Variants in AGBL1 observed in about 807,000 individuals in gnomAD.
AGBL1 encodes cytosolic carboxypeptidase 4.
Under a neutral mutation model 118.9 loss-of-function variants are expected in AGBL1, and 130 were observed. That is an observed-to-expected ratio of 1.09 (90% confidence interval 0.95 to 1.26). The LOEUF (loss-of-function observed/expected upper bound fraction) is 1.26, where lower values mean the gene tolerates loss of function less well. Ranked by LOEUF, AGBL1 falls within the 50% of genes most tolerant of loss-of-function variation. The probability of loss-of-function intolerance (pLI) is 0.00; values close to 1 mark genes in which losing one functional copy is unlikely to be tolerated. For missense variants in AGBL1, 1,584 were observed against 1,298.1 expected (o/e 1.22, Z -3.38); for synonymous variants, 555 against 478.9 (o/e 1.16, Z -2.08).
intron 22 of AGBL1, among the ~76,000 whole-genome samples, chr15:86,899,471 C>T (rs190639399): frequency 1.6e-3 from 241 of 152,152 alleles, no homozygotes; most frequent in African/African-American, 5.7e-3. Context: ...ATTTGTACAA[C>T]GAACCCCCAT....
chr15:86,888,248 G>T (rs559910619), intron 22 of AGBL1, among the ~76,000 whole-genome samples: 2 of 152,102 alleles, frequency 1.3e-5, no homozygotes, highest in Admixed American at 1.3e-4. Flanking sequence ...TGATGGGTCT[G>T]ATTGTATCAG....
chr15:86,917,846 C>A (rs993643000), downstream of AGBL1, among the ~76,000 whole-genome samples: 1 of 148,400 alleles, frequency 6.7e-6, no homozygotes, highest in Non-Finnish European at 1.5e-5. This position sits in a 1 kb window ranked among gnomAD's most constrained non-coding sequence, Gnocchi z 4.8. Flanking sequence ...CAAAGAGGGC[C>A]TCAGAGAAGT....
At chr15:86,689,783 T>TA (rs1488165835) in intron 22 of AGBL1, among the ~76,000 whole-genome samples, 5 of 152,078 alleles carry the variant, frequency 3.3e-5, no homozygotes, top group Admixed American at 1.3e-4. Context: ...AATTGATATT[T>TA]AAAAAAATCT....
At position 86,912,271 on chromosome 15, in the gene AGBL1, G is replaced by C. The variant is rs979471500; in HGVS notation, c.*4977G>C. 6.6e-6 allele frequency: 1 copy of C among 152,188 alleles called. No individual in the cohort carries two copies. The highest frequency in any genetic ancestry group is 2.1e-4 in the South Asian group (1 of 4,824). The allele number at this position is 152,188 out of a possible 1,614,324, so 9.4% of individuals were successfully genotyped here. On this transcript the variant is annotated 3_prime_UTR_variant, in exon 23 of 23. Coordinates refer to ENST00000614907, the MANE Select transcript of AGBL1 (RefSeq NM_001386094.1). ...CGAGGCGAGCTTAACAAGGGGCAGG[G>C]TGTCCTTTTCCTTACCTGTGTTGTG...
rs17626297 is a variant in AGBL1, at chr15:86,613,215, A to T, written c.2994+58678A>T. Among the ~76,000 whole-genome samples, 1 of 152,034 alleles carries T rather than the reference A, an allele frequency of 6.6e-6. No individual in the cohort carries two copies. Among genetic ancestry groups the T allele is most frequent in the Non-Finnish European group, 1.5e-5 (1 of 68,006 alleles). On this transcript the variant is annotated intron_variant, in intron 21 of 22. Transcript: ENST00000614907. The surrounding 1 kb of genome is among the most constrained non-coding windows in gnomAD (Gnocchi z 4.2). ...TGGTTTACAGGTACCTTAAAGAAGAAAACAAATTAAAGCAGGAATCGGAGC... is the reference window on the plus strand; with the variant it reads ...TGGTTTACAGGTACCTTAAAGAAGATAACAAATTAAAGCAGGAATCGGAGC...
In AGBL1 at chr15:86,554,215, G is replaced by A. The variant is rs972810099; in HGVS notation, c.2818-146G>A. 4.2e-6 allele frequency: 3 copies of A among 707,512 alleles called. No individual in the cohort carries two copies. In the African/African-American group the frequency reaches 5.6e-5, roughly 13 times the overall value. 43.8% of individuals were successfully genotyped at this position (707,512 alleles called of 1,614,324 possible). ...ATCTGCAAAATGATTTTTAAAAAGTGATAGCCATTTCTTAGGGTTAATAAA... is the reference window on the plus strand; with the variant it reads ...ATCTGCAAAATGATTTTTAAAAAGTAATAGCCATTTCTTAGGGTTAATAAA... On this transcript the variant is annotated intron_variant, in intron 20 of 22. Transcript: ENST00000614907.
chr15:86,264,212 C>A, intron 10 of AGBL1, 46 bp from the exon 11 acceptor site: 3 of 1,410,718 alleles, frequency 2.1e-6, no homozygotes, highest in South Asian at 1.4e-5. Flanking sequence ...GTATTCCCTA[C>A]CTGGAAGGAC....
chr15:86,564,267 A>T (rs2083877696), intron 21 of AGBL1, among the ~76,000 whole-genome samples: 1 of 152,156 alleles, frequency 6.6e-6, no homozygotes, highest in Admixed American at 6.5e-5. Context: ...AGTGGCTGGT[A>T]CTGGTTGTTC....
intron 1 of AGBL1, among the ~76,000 whole-genome samples, chr15:86,120,961 A>G (rs933408142): frequency 1.3e-5 from 2 of 150,662 alleles, no homozygotes; most frequent in African/African-American, 4.9e-5. Context: ...CAGTGGCATG[A>G]TCTCAACTCA....
intron 22 of AGBL1, among the ~76,000 whole-genome samples, chr15:86,864,158 A>C (rs1033596708): frequency 6.6e-6 from 1 of 152,258 alleles, no homozygotes; most frequent in South Asian, 2.1e-4. Flanking sequence ...GTTGAATGTA[A>C]GAAAGAAGGC....
chr15:86,614,527 G>A (rs887331340), intron 21 of AGBL1, among the ~76,000 whole-genome samples: 8 of 152,142 alleles, frequency 5.3e-5, no homozygotes. Context: ...ATGGAATACT[G>A]ATAAAACAGG....
At chr15:86,903,898 T>G (rs1478254463) in intron 22 of AGBL1, among the ~76,000 whole-genome samples, 4 of 151,804 alleles carry the variant, frequency 2.6e-5, no homozygotes, top group African/African-American at 9.7e-5. Context: ...GAGGTCCAGG[T>G]TCCCCACACA....
At chr15:86,225,398 A>T (rs1239678775) in intron 6 of AGBL1, among the ~76,000 whole-genome samples, 1 of 152,222 alleles carries the variant, frequency 6.6e-6, no homozygotes, top group East Asian at 1.9e-4. Flanking sequence ...TTTGGTTCTC[A>T]ACTCAGCTCA....
At chr15:86,968,354 A>G (rs534141369) in intron 23 of AGBL1, among the ~76,000 whole-genome samples, 1 of 151,914 alleles carries the variant, frequency 6.6e-6, no homozygotes, top group Non-Finnish European at 1.5e-5. Context: ...ATTAGATGGA[A>G]TGTTCAGTGG....
At chr15:86,465,683 C>A (rs1476651478) in intron 18 of AGBL1, among the ~76,000 whole-genome samples, 3 of 152,134 alleles carry the variant, frequency 2.0e-5, no homozygotes, top group Non-Finnish European at 4.4e-5. Context: ...TCCTGCACAC[C>A]CCCAGGCTTG....
At chr15:86,675,892 T>C (rs2085837261) in intron 22 of AGBL1, among the ~76,000 whole-genome samples, 1 of 152,160 alleles carries the variant, frequency 6.6e-6, no homozygotes, top group Admixed American at 6.5e-5. Flanking sequence ...TCAGTGAGGA[T>C]TAGTTGCCTG....
intron 15 of AGBL1, among the ~76,000 whole-genome samples, chr15:86,278,855 T>C (rs2079301358): frequency 6.6e-6 from 1 of 152,244 alleles, no homozygotes; most frequent in African/African-American, 2.4e-5. Flanking sequence ...TTTTCTTTGA[T>C]ACTGTTCTCT....
chr15:86,923,795 CATT>C (rs2080503966), intron 23 of AGBL1, among the ~76,000 whole-genome samples: 1 of 152,160 alleles, frequency 6.6e-6, no homozygotes, highest in Non-Finnish European at 1.5e-5. Flanking sequence ...TTATTTTCCT[CATT>C]ATATGAACTA....
intron 23 of AGBL1, among the ~76,000 whole-genome samples, chr15:86,949,390 C>A (rs941353956): frequency 4.6e-5 from 7 of 152,066 alleles, no homozygotes; most frequent in Non-Finnish European, 7.4e-5. Flanking sequence ...CTGCTCCACC[C>A]TTCAGGGAAT....
Sources: allele counts gnomAD v4.1 joint callset (sites outside exome capture counted in the v4.1 genomes callset), GRCh38; gene constraint gnomAD v4.1.1; non-coding constraint Gnocchi (gnomAD v3.1); transcripts MANE v1.5; gene names NCBI Gene and HGNC (gene_info 2026-07-23, HGNC 2026-07-21).